KATNAL2: variants seen among roughly 807,000 people sequenced by gnomAD.
The protein encoded by KATNAL2 is katanin p60 ATPase-containing subunit A-like 2.
KATNAL2 carries 52 observed loss-of-function variants against 76.3 expected under a neutral mutation model. The observed-to-expected ratio is 0.68, with a 90% confidence interval of 0.55 to 0.86. The LOEUF (loss-of-function observed/expected upper bound fraction) is 0.86. Among genes scored for constraint, KATNAL2 ranks in the 40% least tolerant of loss-of-function variants. The pLI is 0.00. For synonymous variants in KATNAL2, 243 were observed against 244.2 expected (o/e 1.00, Z 0.05); for missense variants, 660 against 668.9 (o/e 0.99, Z 0.15).
intron 4 of KATNAL2, among the ~76,000 whole-genome samples, 185 bp from the exon 5 acceptor site, chr18:47,052,695 T>G (rs964222453): frequency 1.3e-5 from 2 of 152,224 alleles, no homozygotes; most frequent in African/African-American, 4.8e-5. Context: ...AAGATAATAG[T>G]TAAATATACT....
rs909131538 is a variant in KATNAL2 at position 47,077,419 on chromosome 18, CAGA to C, written c.1173_1175del (p.Glu391del). 6.2e-7 allele frequency: 1 copy of C among 1,613,936 alleles called. No individual in the cohort carries two copies. Among genetic ancestry groups the C allele is most frequent in the Non-Finnish European group, 8.5e-7 (1 of 1,179,944 alleles). On this transcript the variant is annotated inframe_deletion, in exon 15 of 18. Transcript: ENST00000683218. ...GTGCAGATGGATGGGCTGGCACGCT[CAGA>C]AGATCTCGTATTTGTCTTAGCAGCT...
chr18:47,099,319 G>A lies in KATNAL2; in HGVS notation c.1288G>A (p.Ala430Thr), dbSNP rs140883201. 1.4e-5 allele frequency: 22 copies of A among 1,614,156 alleles called. No homozygotes were observed. The African/African-American group carries it at 2.5e-4, about 19-fold the overall frequency. Residue 430 changes from alanine (A) to threonine (T), a missense_variant, in exon 16 of 18, where the codon GCC becomes ACC. Coordinates refer to ENST00000683218, the MANE Select transcript of KATNAL2 (RefSeq NM_001387690.1). ...VDLPSREARQ[A>T]MIYHWLPPVS... ...TCTCCCCAGCCGGGAGGCCAGGCAG[G>A]CCATGATCTACCACTGGCTGCCTCC...
At chr18:47,099,478 C>T in intron 16 of KATNAL2, 73 bp downstream of exon 16, 2 of 1,398,416 alleles carry the variant, frequency 1.4e-6, no homozygotes, top group Non-Finnish European at 1.9e-6. Context: ...CCAGGTCTTA[C>T]CATGAGCTGA....
Position 47,069,572 on chromosome 18 carries a change from G to A in KATNAL2, c.980G>A (p.Trp327Ter). 2 of 1,613,478 alleles carry A rather than the reference G, an allele frequency of 1.2e-6. No individual in the cohort carries two copies. Among genetic ancestry groups the A allele is most frequent in the Non-Finnish European group, 1.7e-6 (2 of 1,179,628 alleles). ...NISASTIVSK[W>*]RGDSEKLVRV... The stretch of plus-strand genomic sequence containing the variant: ...TCTGCATCCACCATTGTCAGCAAAT[G>A]GAGAGGGGATTCAGAAAAACTCGTT... Residue 327 changes from tryptophan to a stop codon, truncating the protein, a stop_gained, in exon 13 of 18, where the codon TGG (tryptophan) becomes TAG (stop). Transcript: ENST00000683218. LOFTEE classifies it high-confidence loss of function.
intron 3 of KATNAL2, among the ~76,000 whole-genome samples, chr18:46,951,335 T>C (rs753611409): frequency 6.6e-6 from 1 of 152,132 alleles, no homozygotes; most frequent in Non-Finnish European, 1.5e-5. Context: ...TTGATACCAC[T>C]TCCTTCCTAG....
chr18:47,095,529 T>G (rs552701793), intron 15 of KATNAL2, among the ~76,000 whole-genome samples: 6 of 152,362 alleles, frequency 3.9e-5, no homozygotes, highest in Admixed American at 3.3e-4. Context: ...CTTGAGGCCA[T>G]GTGGAACTGT....
intron 13 of KATNAL2, among the ~76,000 whole-genome samples, chr18:47,071,567 C>G (rs2062001353): frequency 6.6e-6 from 1 of 151,820 alleles, no homozygotes; most frequent in Non-Finnish European, 1.5e-5. Context: ...AGATACCACC[C>G]AGAATTAGTT....
chr18:46,955,140 C>CTCTCTCTTTCTTTCTTTCTT (rs1555834717), intron 3 of KATNAL2, among the ~76,000 whole-genome samples: 68 of 85,070 alleles, frequency 8.0e-4, no homozygotes, highest in African/African-American at 1.9e-3. Context: ...CTTTCTCTCT[C>CTCTCTCTTTCTTTCTTTCTT]TCTTTCTTTC....
At chr18:46,941,816 G>A (rs912543063) in intron 1 of KATNAL2, among the ~76,000 whole-genome samples, 10 of 152,086 alleles carry the variant, frequency 6.6e-5, no homozygotes, top group African/African-American at 1.2e-4. Context: ...AATAGCACTC[G>A]AATATAAAAT....
intron 2 of KATNAL2, 122 bp downstream of exon 2, chr18:46,946,668 CAAACACTCTGG>C: frequency 9.1e-7 from 1 of 1,098,254 alleles, no homozygotes; most frequent in Non-Finnish European, 1.3e-6. Flanking sequence ...CAGTGTCATG[CAAACACTCTGG>C]ATTAAACATG....
chr18:47,063,091 A>G, intron 9 of KATNAL2, 21 bp downstream of exon 9: 1 of 1,589,980 alleles, frequency 6.3e-7, no homozygotes, highest in Non-Finnish European at 8.6e-7. Flanking sequence ...AAGATGTGAC[A>G]TTCATCTTTC....
At position 47,078,579 on chromosome 18, in the gene KATNAL2, A is replaced by T. The variant is rs147605203; in HGVS notation, c.1211+1118A>T. ...ATCTTCTTTCCTTCAAAGGTTTAAA[A>T]CAAGGTTGATCATAACCACTGGGGG... is the stretch of plus-strand genomic sequence containing the variant. On this transcript the variant is annotated intron_variant, in intron 15 of 17. Transcript: ENST00000683218. Among the ~76,000 whole-genome samples, 43 of 152,280 alleles carry T rather than the reference A, an allele frequency of 2.8e-4. 1 individual carries two copies. The highest frequency in any genetic ancestry group is 1.0e-3 in the African/African-American group (43 of 41,562).
chr18:47,069,106 C>T (rs975747406), intron 11 of KATNAL2, 114 bp from the exon 12 acceptor site: 1 of 699,000 alleles, frequency 1.4e-6, no homozygotes, highest in East Asian at 2.9e-5. Flanking sequence ...AAAAGGGAGC[C>T]CTGAATCTTA....
chr18:47,033,404 C>T, intron 3 of KATNAL2: 2 of 1,614,176 alleles, frequency 1.2e-6, no homozygotes, highest in Non-Finnish European at 1.7e-6. Flanking sequence ...GTTGTCATTA[C>T]TCTCAGCCGC....
In KATNAL2 at chr18:47,069,561, T is replaced by C; in HGVS notation, c.969T>C (p.Ile323=). The C allele has an allele frequency of 1.2e-6, 2 of 1,613,922 alleles. No individual in the cohort carries two copies. The highest frequency in any genetic ancestry group is 1.1e-5 in the South Asian group (1 of 91,020). ...TCTTTAACATTTCTGCATCCACCATTGTCAGCAAATGGAGAGGGGATTCAG... is the reference window on the plus strand; with the variant it reads ...TCTTTAACATTTCTGCATCCACCATCGTCAGCAAATGGAGAGGGGATTCAG... The part of the protein sequence containing the change: ...TTFFNISAST[I]VSKWRGDSEK... Residue 323 remains isoleucine, a synonymous_variant, in exon 13 of 18, where the codon ATT becomes ATC. Coordinates refer to ENST00000683218, the MANE Select transcript of KATNAL2 (RefSeq NM_001387690.1).
At chr18:47,090,051 G>C (rs1248488493) in intron 15 of KATNAL2, among the ~76,000 whole-genome samples, 1 of 152,140 alleles carries the variant, frequency 6.6e-6, no homozygotes, top group African/African-American at 2.4e-5. Flanking sequence ...GCCTCCCAAA[G>C]TGCTGGCAAG....
chr18:47,049,598 T>C (rs1180196489), intron 4 of KATNAL2, among the ~76,000 whole-genome samples: 1 of 152,246 alleles, frequency 6.6e-6, no homozygotes, highest in African/African-American at 2.4e-5. Context: ...ACTAGGTCCC[T>C]CATTTCAGGA....
intron 3 of KATNAL2, among the ~76,000 whole-genome samples, chr18:47,039,613 G>C (rs1481971508): frequency 6.6e-6 from 1 of 152,174 alleles, no homozygotes; most frequent in Non-Finnish European, 1.5e-5. Flanking sequence ...TCATCTTTAA[G>C]AAATTCAGCC....
chr18:47,089,859 G>GT, intron 15 of KATNAL2, among the ~76,000 whole-genome samples: 1 of 152,208 alleles, frequency 6.6e-6, no homozygotes, highest in Non-Finnish European at 1.5e-5. Flanking sequence ...TTAACATGAA[G>GT]TAAGTAGCCC....
Sources: allele counts gnomAD v4.1 joint callset (sites outside exome capture counted in the v4.1 genomes callset), GRCh38; gene constraint gnomAD v4.1.1; transcripts MANE v1.5; gene names NCBI Gene and HGNC (gene_info 2026-07-23, HGNC 2026-07-21).